Variants in TNFSF13B observed in about 807,000 individuals in gnomAD.
TNFSF13B encodes the protein tumor necrosis factor ligand superfamily member 13B.
Under a neutral mutation model 29.1 loss-of-function variants are expected in TNFSF13B, and 8 were observed. That is an observed-to-expected ratio of 0.27 (90% CI 0.16 to 0.50). TNFSF13B has a LOEUF of 0.50. TNFSF13B is among the 20% of genes least tolerant of loss of function. The pLI, the probability that TNFSF13B is intolerant of heterozygous loss-of-function variation, is 0.98. For synonymous variants in TNFSF13B, 125 were observed against 130.8 expected, an observed-to-expected ratio of 0.96 and a Z score of 0.30; for missense variants, 248 against 334.9, an observed-to-expected ratio of 0.74 and a Z score of 2.03.
intron 3 of TNFSF13B, among the ~76,000 whole-genome samples, chr13:108,295,121 G>GATT (rs1566406512): frequency 6.9e-6 from 1 of 145,126 alleles, no homozygotes; most frequent in African/African-American, 2.6e-5. Context: ...GTAGCTCAAT[G>GATT]ATTGTCATTT....
intron 3 of TNFSF13B, among the ~76,000 whole-genome samples, chr13:108,287,267 T>C (rs1181177020): frequency 6.6e-6 from 1 of 152,122 alleles, no homozygotes; most frequent in Non-Finnish European, 1.5e-5. Flanking sequence ...ACTTAAAGTA[T>C]AATAAAAACA....
chr13:108,291,267 A>T (rs549172394), intron 3 of TNFSF13B, among the ~76,000 whole-genome samples: 1 of 151,998 alleles, frequency 6.6e-6, no homozygotes, highest in African/African-American at 2.4e-5. Flanking sequence ...AGTTAAAAAG[A>T]AAAAGAAAAA....
At chr13:108,283,392 A>G (rs1881017902) in intron 2 of TNFSF13B, among the ~76,000 whole-genome samples, 2 of 152,224 alleles carry the variant, frequency 1.3e-5, no homozygotes, top group Non-Finnish European at 1.5e-5. Flanking sequence ...TCAATTTTAT[A>G]TCTTATTTTC....
chr13:108,291,116 T>C (rs1228904460), intron 3 of TNFSF13B, among the ~76,000 whole-genome samples: 3 of 152,016 alleles, frequency 2.0e-5, no homozygotes, highest in African/African-American at 7.2e-5. Context: ...TGTCTATTTA[T>C]GCACCCCAAT....
intron 2 of TNFSF13B, among the ~76,000 whole-genome samples, chr13:108,272,311 A>T: frequency 6.6e-6 from 1 of 152,236 alleles, no homozygotes; most frequent in African/African-American, 2.4e-5. Context: ...CAAAATTTTG[A>T]TGTAAATATT....
chr13:108,298,256 T>G (rs561786903), intron 3 of TNFSF13B, among the ~76,000 whole-genome samples: 1 of 145,124 alleles, frequency 6.9e-6, no homozygotes, highest in East Asian at 1.9e-4. Flanking sequence ...TCAGTTTTTC[T>G]GTGAATCTAA....
intron 3 of TNFSF13B, chr13:108,302,967 T>C (rs930937255): frequency 1.7e-6 from 1 of 584,174 alleles, no homozygotes; most frequent in Non-Finnish European, 2.3e-6. Flanking sequence ...TATTATGAAA[T>C]AGCCGAAATA....
rs1416429752 is a variant in TNFSF13B, at chr13:108,303,485, G to A, written c.626G>A (p.Gly209Glu). The A allele has an allele frequency of 1.2e-6, 2 of 1,613,516 alleles. No individual in the cohort carries two copies. Among genetic ancestry groups the A allele is most frequent in the Non-Finnish European group, 8.5e-7 (1 of 1,179,754 alleles). Reference sequence around the variant, plus strand: ...TATACTGATAAGACCTACGCCATGGGACATCTAATTCAGAGGAAGAAGGTC... The same window carrying A: ...TATACTGATAAGACCTACGCCATGGAACATCTAATTCAGAGGAAGAAGGTC... ...VLYTDKTYAM[G>E]HLIQRKKVHV... Residue 209 changes from glycine (G) to glutamate (E), a missense_variant, in exon 5 of 6, where the codon GGA becomes GAA. Physicochemically the swap from Gly to Glu is moderately conservative, Grantham distance 98. Coordinates refer to ENST00000375887, the MANE Select transcript of TNFSF13B (RefSeq NM_006573.5).
At chr13:108,276,990 A>T (rs915871054) in intron 2 of TNFSF13B, among the ~76,000 whole-genome samples, 1 of 152,154 alleles carries the variant, frequency 6.6e-6, no homozygotes, top group African/African-American at 2.4e-5. Flanking sequence ...CTGAAGAGTT[A>T]GAGAAACAGA....
At chr13:108,278,401 G>A (rs1277808551) in intron 2 of TNFSF13B, among the ~76,000 whole-genome samples, 2 of 151,898 alleles carry the variant, frequency 1.3e-5, no homozygotes, top group Admixed American at 1.3e-4. Flanking sequence ...ATGAGGACAA[G>A]GTAGAAATAG....
At chr13:108,276,154 G>A (rs1418259826) in intron 2 of TNFSF13B, among the ~76,000 whole-genome samples, 8 of 152,190 alleles carry the variant, frequency 5.3e-5, no homozygotes, top group Admixed American at 2.6e-4. Context: ...AGTGTTGGAA[G>A]CGTGCAATGT....
intron 3 of TNFSF13B, among the ~76,000 whole-genome samples, 162 bp from the exon 4 acceptor site, chr13:108,303,091 G>A (rs1267026466): frequency 6.6e-6 from 1 of 152,126 alleles, no homozygotes; most frequent in East Asian, 1.9e-4. Flanking sequence ...ATCCAGTGCA[G>A]TAATGTGACT....
At chr13:108,293,711 A>G (rs917817467) in intron 3 of TNFSF13B, among the ~76,000 whole-genome samples, 2 of 152,344 alleles carry the variant, frequency 1.3e-5, no homozygotes, top group Middle Eastern at 3.4e-3. Context: ...TTGCTATAAC[A>G]TATTACACTA....
intron 2 of TNFSF13B, among the ~76,000 whole-genome samples, chr13:108,271,878 C>T (rs1357631068): frequency 1.3e-5 from 2 of 152,000 alleles, no homozygotes; most frequent in Admixed American, 1.3e-4. Context: ...TATAATACAA[C>T]ATGCAAAAGT....
chr13:108,293,012 T>G (rs1881366076), intron 3 of TNFSF13B, among the ~76,000 whole-genome samples: 1 of 152,204 alleles, frequency 6.6e-6, no homozygotes, highest in Non-Finnish European at 1.5e-5. Context: ...TTCAACATCA[T>G]GATTCACCCA....
At chr13:108,284,095 C>G (rs185123171) in intron 2 of TNFSF13B, among the ~76,000 whole-genome samples, 2 of 151,938 alleles carry the variant, frequency 1.3e-5, no homozygotes, top group Non-Finnish European at 2.9e-5. Context: ...CTTTGGGAGG[C>G]GAGGTGGGCG....
intron 3 of TNFSF13B, among the ~76,000 whole-genome samples, chr13:108,289,693 A>G (rs936859490): frequency 6.6e-6 from 1 of 150,776 alleles, no homozygotes; most frequent in Non-Finnish European, 1.5e-5. Context: ...TATACATAAC[A>G]TCAGGTCTTG....
intron 2 of TNFSF13B, among the ~76,000 whole-genome samples, chr13:108,279,039 A>G (rs573886435): frequency 6.6e-6 from 1 of 152,202 alleles, no homozygotes; most frequent in South Asian, 2.1e-4. Context: ...GAGAGTCCAC[A>G]ATTCATGGAA....
At chr13:108,302,986 T>C in intron 3 of TNFSF13B, 1 of 523,382 alleles carries the variant, frequency 1.9e-6, no homozygotes, top group Non-Finnish European at 2.7e-6. Flanking sequence ...TATAGACCAA[T>C]AAAGGGAAAA....
Sources: gnomAD v4.1 joint callset for allele counts (sites outside exome capture counted in the v4.1 genomes callset) on GRCh38, gnomAD v4.1.1 for gene constraint, MANE v1.5 for transcripts, NCBI Gene and HGNC (gene_info 2026-07-23, HGNC 2026-07-21) for gene names.